Variants in HDAC4 observed in about 807,000 individuals in gnomAD.
HDAC4 encodes the protein histone deacetylase A.
In HDAC4, 16 loss-of-function variants were observed where a neutral mutation model predicts 135.1. The ratio of observed to expected loss-of-function variants is 0.12; its 90% CI spans 0.08 to 0.18. HDAC4 has a LOEUF of 0.18. HDAC4 is among the 10% of genes least tolerant of loss of function. The pLI is 1.00. For missense variants in HDAC4, 1,143 were observed against 1,511.8 expected (o/e 0.76, Z 4.05); for synonymous variants, 685 against 653.4 (o/e 1.05, Z -0.74).
intron 2 of HDAC4, among the ~76,000 whole-genome samples, chr2:239,294,484 A>C (rs898182934): frequency 6.6e-6 from 1 of 152,186 alleles, no homozygotes; most frequent in Non-Finnish European, 1.5e-5. Flanking sequence ...TGTGTTTCAG[A>C]AACTAAGTCC....
chr2:239,053,454 G>A lies in HDAC4; in HGVS notation c.3230+6C>T. 6.2e-7 allele frequency: 1 copy of A among 1,612,350 alleles called. No homozygotes were observed. Among genetic ancestry groups the A allele is most frequent in the Non-Finnish European group, 8.5e-7 (1 of 1,179,236 alleles). On this transcript the variant is annotated splice_donor_region_variant and intron_variant, in intron 26 of 26. Transcript: ENST00000543185. Reference sequence around the variant, plus strand: ...CCTGCAGGCGGGCGGCAGGGCAGGTGCTCACCTCTTTTCGGCGGGCTTCAC... The same window carrying A: ...CCTGCAGGCGGGCGGCAGGGCAGGTACTCACCTCTTTTCGGCGGGCTTCAC...
chr2:239,320,543 G>A (rs2053274911), intron 2 of HDAC4, among the ~76,000 whole-genome samples: 1 of 152,138 alleles, frequency 6.6e-6, no homozygotes, highest in Non-Finnish European at 1.5e-5. Flanking sequence ...CTTCTGTTAT[G>A]TAAAAATATG....
chr2:239,074,076 G>A (rs1320600811), intron 22 of HDAC4, among the ~76,000 whole-genome samples: 1 of 151,282 alleles, frequency 6.6e-6, no homozygotes, highest in Non-Finnish European at 1.5e-5. Flanking sequence ...GGACTGAGGG[G>A]GCCACAGGAC....
chr2:239,396,100 C>T (rs992278763), intron 1 of HDAC4, among the ~76,000 whole-genome samples: 9 of 151,974 alleles, frequency 5.9e-5, no homozygotes, highest in Admixed American at 2.6e-4. Flanking sequence ...CCACAGCCTC[C>T]CAAGTAATGG....
intron 1 of HDAC4, among the ~76,000 whole-genome samples, chr2:239,372,667 C>T (rs997019115): frequency 6.6e-6 from 1 of 152,226 alleles, no homozygotes; most frequent in African/African-American, 2.4e-5. Context: ...TTATACACAG[C>T]GACAGAACAG....
chr2:239,102,209 T>C (rs369644509), intron 16 of HDAC4, among the ~76,000 whole-genome samples: 36 of 152,316 alleles, frequency 2.4e-4, no homozygotes, highest in African/African-American at 8.4e-4. Flanking sequence ...GGAAGCCCCA[T>C]GGAGCTGGCT....
intron 7 of HDAC4, chr2:239,154,683 G>A (rs2042314695): frequency 6.6e-6 from 1 of 152,142 alleles, no homozygotes; most frequent in African/African-American, 2.4e-5. Context: ...AAGGGAACCT[G>A]GAGGGCGATT....
At chr2:239,329,969 G>T (rs1181014931) in intron 2 of HDAC4, among the ~76,000 whole-genome samples, 1 of 152,134 alleles carries the variant, frequency 6.6e-6, no homozygotes, top group African/African-American at 2.4e-5. Context: ...AAGGAGGAGG[G>T]GTGTCCTGGT....
At chr2:239,347,220 C>T (rs537481881) in intron 2 of HDAC4, among the ~76,000 whole-genome samples, 34 of 152,218 alleles carry the variant, frequency 2.2e-4, no homozygotes, top group Middle Eastern at 3.4e-3. Context: ...ATAATCTTGG[C>T]GGCCACAATA....
At chr2:239,149,362 C>T (rs190042186) in intron 7 of HDAC4, among the ~76,000 whole-genome samples, 89 of 146,082 alleles carry the variant, frequency 6.1e-4, no homozygotes, top group Middle Eastern at 3.5e-3. Context: ...GACAGAGCGA[C>T]GTTCCGTTTC....
chr2:239,371,900 G>A (rs1694649363), intron 1 of HDAC4, among the ~76,000 whole-genome samples: 1 of 152,226 alleles, frequency 6.6e-6, no homozygotes, highest in African/African-American at 2.4e-5. Flanking sequence ...ACAGTGAAGA[G>A]CCCGTGGAGG....
At chr2:239,104,955 G>A (rs1378933545) in intron 15 of HDAC4, among the ~76,000 whole-genome samples, 7 of 152,244 alleles carry the variant, frequency 4.6e-5, no homozygotes, top group Admixed American at 1.3e-4. Flanking sequence ...ACACCGCGAC[G>A]GCTGGGGCTG....
intron 3 of HDAC4, among the ~76,000 whole-genome samples, chr2:239,224,483 C>G (rs958896736): frequency 9.2e-5 from 14 of 152,348 alleles, no homozygotes; most frequent in African/African-American, 3.4e-4. Context: ...CCCACTCCCT[C>G]TTCTCCTGAC....
intron 2 of HDAC4, among the ~76,000 whole-genome samples, chr2:239,278,783 G>A (rs749598480): frequency 1.3e-5 from 2 of 152,318 alleles, no homozygotes; most frequent in South Asian, 2.1e-4. Context: ...TTCAGGAAAC[G>A]GCTTTCCTGC....
intron 1 of HDAC4, among the ~76,000 whole-genome samples, chr2:239,397,767 C>T (rs192695012): frequency 1.3e-5 from 2 of 152,266 alleles, no homozygotes; most frequent in African/African-American, 4.8e-5. Context: ...CCCACAGAAA[C>T]GCTTATGAAT....
chr2:239,142,758 TG>T (rs937716468), intron 8 of HDAC4, among the ~76,000 whole-genome samples: 3 of 150,908 alleles, frequency 2.0e-5, no homozygotes, highest in African/African-American at 7.3e-5. Flanking sequence ...ACATGGCTCC[TG>T]GGTGAGCTCA....
intron 3 of HDAC4, among the ~76,000 whole-genome samples, chr2:239,217,171 C>A (rs1457339348): frequency 6.6e-6 from 1 of 152,150 alleles, no homozygotes; most frequent in Non-Finnish European, 1.5e-5. Flanking sequence ...GGTGGCAGAG[C>A]CTGAACACAG....
At chr2:239,289,198 T>C (rs2051315255) in intron 2 of HDAC4, among the ~76,000 whole-genome samples, 3 of 152,148 alleles carry the variant, frequency 2.0e-5, no homozygotes, top group African/African-American at 7.2e-5. Context: ...ATCCCCACCC[T>C]GCACCCCACA....
intron 2 of HDAC4, among the ~76,000 whole-genome samples, chr2:239,265,550 G>A (rs2049668723): frequency 6.6e-6 from 1 of 151,940 alleles, no homozygotes; most frequent in Non-Finnish European, 1.5e-5. Context: ...GGTGCGGTGG[G>A]GCGGGAACCC....
Sources: allele counts gnomAD v4.1 joint callset (sites outside exome capture counted in the v4.1 genomes callset), GRCh38; gene constraint gnomAD v4.1.1; transcripts MANE v1.5; gene names NCBI Gene and HGNC (gene_info 2026-07-23, HGNC 2026-07-21).